CDH13: variants seen among roughly 807,000 people sequenced by gnomAD.
The protein encoded by CDH13 is cadherin 13.
CDH13 carries 24 observed loss-of-function variants against 63.8 expected under a neutral mutation model. The ratio of observed to expected loss-of-function variants is 0.38; its 90% CI spans 0.27 to 0.53. The LOEUF (loss-of-function observed/expected upper bound fraction) is 0.53, where lower values mean the gene tolerates loss of function less well. CDH13 is among the 20% of genes least tolerant of loss of function. The pLI is 0.85. For missense variants in CDH13, 1,049 were observed against 903.1 expected, an observed-to-expected ratio of 1.16 and a Z score of -2.07; for synonymous variants, 503 against 355.3, an observed-to-expected ratio of 1.42 and a Z score of -4.67.
intron 4 of CDH13, among the ~76,000 whole-genome samples, chr16:83,163,530 C>T (rs905050841): frequency 3.3e-5 from 5 of 152,132 alleles, no homozygotes; most frequent in East Asian, 3.9e-4. Context: ...GCCATTGGCA[C>T]TCACCCATGT....
chr16:83,476,951 G>A (rs987874445), intron 6 of CDH13, among the ~76,000 whole-genome samples: 1 of 152,038 alleles, frequency 6.6e-6, no homozygotes, highest in African/African-American at 2.4e-5. Context: ...AAGATTAAGT[G>A]GAATTTTTAA....
chr16:82,958,371 G>C (rs1343854551), intron 2 of CDH13, among the ~76,000 whole-genome samples: 2 of 152,200 alleles, frequency 1.3e-5, no homozygotes, highest in African/African-American at 2.4e-5. Flanking sequence ...GAGGCAGTAG[G>C]GGTAAAAAGG....
chr16:82,893,918 C>G (rs144358246), intron 2 of CDH13, among the ~76,000 whole-genome samples: 1 of 152,308 alleles, frequency 6.6e-6, no homozygotes, highest in African/African-American at 2.4e-5. Context: ...ACTCCCAATA[C>G]CACCACTTCA....
chr16:83,181,383 G>A (rs2038344554), intron 4 of CDH13, among the ~76,000 whole-genome samples: 1 of 152,112 alleles, frequency 6.6e-6, no homozygotes, highest in Non-Finnish European at 1.5e-5. Flanking sequence ...ACAAGCTGTG[G>A]GTGGCTCTAG....
intron 1 of CDH13, among the ~76,000 whole-genome samples, chr16:82,654,810 A>T (rs1330593623): frequency 1.3e-5 from 2 of 151,720 alleles, no homozygotes; most frequent in Admixed American, 6.6e-5. Flanking sequence ...AGTATTAACC[A>T]CGTGAAGCAG....
At chr16:83,516,736 C>T (rs149056919) in intron 7 of CDH13, among the ~76,000 whole-genome samples, 48 of 152,280 alleles carry the variant, frequency 3.2e-4, no homozygotes, top group Non-Finnish European at 5.9e-4. Flanking sequence ...AAGCCAGCTG[C>T]CTCCCCTGTC....
chr16:82,958,013 G>C (rs922426376), intron 2 of CDH13, among the ~76,000 whole-genome samples: 1 of 152,158 alleles, frequency 6.6e-6, no homozygotes, highest in Non-Finnish European at 1.5e-5. Flanking sequence ...ATCCACACTT[G>C]TCTGAGAGAT....
intron 6 of CDH13, among the ~76,000 whole-genome samples, chr16:83,428,099 G>T (rs1175040911): frequency 6.6e-6 from 1 of 152,184 alleles, no homozygotes; most frequent in East Asian, 1.9e-4. Flanking sequence ...ATAAGTTGGG[G>T]CGAAAGCTCC....
chr16:83,551,623 A>G, intron 7 of CDH13, among the ~76,000 whole-genome samples: 1 of 152,032 alleles, frequency 6.6e-6, no homozygotes, highest in Non-Finnish European at 1.5e-5. Flanking sequence ...TGGACATCCA[A>G]GCTTCTCTTT....
intron 3 of CDH13, among the ~76,000 whole-genome samples, chr16:83,095,279 T>C (rs1162906139): frequency 1.3e-5 from 2 of 152,174 alleles, no homozygotes; most frequent in African/African-American, 4.8e-5. Flanking sequence ...ACCTCAATAA[T>C]TCTGTCCACT....
At chr16:82,833,557 C>G (rs1486545336) in intron 1 of CDH13, among the ~76,000 whole-genome samples, 2 of 152,218 alleles carry the variant, frequency 1.3e-5, no homozygotes, top group East Asian at 3.9e-4. Context: ...CCTTCTGGAC[C>G]TCCCTTAACC....
intron 7 of CDH13, among the ~76,000 whole-genome samples, chr16:83,512,739 A>G (rs750203081): frequency 2.1e-4 from 32 of 151,888 alleles, no homozygotes; most frequent in Non-Finnish European, 4.7e-4. Context: ...TATGTTCTAC[A>G]TGAGCTTTCA....
chr16:82,708,318 G>A (rs1229788918), intron 1 of CDH13, among the ~76,000 whole-genome samples: 2 of 152,130 alleles, frequency 1.3e-5, no homozygotes, highest in African/African-American at 4.8e-5. Flanking sequence ...GGGTTTTAGT[G>A]GACCCACAGG....
chr16:83,472,910 C>T (rs996430708), intron 6 of CDH13, among the ~76,000 whole-genome samples: 1 of 152,068 alleles, frequency 6.6e-6, no homozygotes, highest in Non-Finnish European at 1.5e-5. Flanking sequence ...TGAGTGGTGG[C>T]CTGATGGCTT....
At chr16:83,386,157 A>G (rs950959441) in intron 6 of CDH13, among the ~76,000 whole-genome samples, 8 of 152,210 alleles carry the variant, frequency 5.3e-5, no homozygotes, top group Non-Finnish European at 7.3e-5. Context: ...CTGCTGTTGT[A>G]TTTGAAATGG....
In CDH13 at chr16:83,296,149, G is replaced by GTATAGT. The variant is rs567564794; in HGVS notation, c.637-48712_637-48707dup. Among the ~76,000 whole-genome samples, 238 of 152,242 alleles carry GTATAGT rather than the reference G, an allele frequency of 1.6e-3. 1 individual carries two copies. The highest frequency in any genetic ancestry group is 3.4e-3 in the Middle Eastern group (1 of 294). ...AGCATTCTTTTCTCAGAGAACATGT[G>GTATAGT]TATAGTCCTTGTATAGGGCCATAAT... is the stretch of plus-strand genomic sequence containing the variant. On this transcript the variant is annotated intron_variant, in intron 5 of 13. Transcript: ENST00000567109.
chr16:83,296,798 C>G (rs982392874), intron 5 of CDH13, among the ~76,000 whole-genome samples: 2 of 152,044 alleles, frequency 1.3e-5, no homozygotes, highest in Non-Finnish European at 2.9e-5. Flanking sequence ...GCATGTACAC[C>G]CAATAACACG....
intron 3 of CDH13, among the ~76,000 whole-genome samples, chr16:83,115,536 T>C (rs1018208831): frequency 2.6e-5 from 4 of 152,190 alleles, no homozygotes; most frequent in African/African-American, 9.7e-5. Flanking sequence ...AAGCATCACA[T>C]CTTTGCGTGA....
rs150906844 is a variant in CDH13, at chr16:83,052,551, G to A, written c.366+20333G>A. 4.1e-3 allele frequency among the ~76,000 whole-genome samples: 617 copies of A among 152,226 alleles called. 2 individuals are homozygous for A. Among genetic ancestry groups the A allele is most frequent in the African/African-American group, 0.013 (553 of 41,544 alleles). ...TCCCAACAGTTTGGGAGGCCAAGGC[G>A]GGCAGATCACCTGGGGTCACGAGTT... On this transcript the variant is annotated intron_variant, in intron 3 of 13. Coordinates refer to ENST00000567109, the MANE Select transcript of CDH13 (RefSeq NM_001257.5).
Sources: gnomAD v4.1 joint callset for allele counts (sites outside exome capture counted in the v4.1 genomes callset) on GRCh38, gnomAD v4.1.1 for gene constraint, MANE v1.5 for transcripts, NCBI Gene and HGNC (gene_info 2026-07-23, HGNC 2026-07-21) for gene names.